COBL: variants seen among roughly 807,000 people sequenced by gnomAD.
COBL encodes the protein cordon-bleu WH2 repeat protein, also known as protein cordon-bleu.
COBL carries 51 observed loss-of-function variants against 98.8 expected under a neutral mutation model. The ratio of observed to expected loss-of-function variants is 0.52; its 90% CI spans 0.41 to 0.65. The LOEUF (loss-of-function observed/expected upper bound fraction) is 0.65. COBL is among the 30% of genes least tolerant of loss of function. COBL has a pLI of 0.00. For missense variants in COBL, 1,617 were observed against 1,617.5 expected (o/e 1.00, Z 0.01); for synonymous variants, 634 against 651.7 (o/e 0.97, Z 0.41).
chr7:51,213,361 G>C (rs1330738241), intron 2 of COBL, among the ~76,000 whole-genome samples: 3 of 152,190 alleles, frequency 2.0e-5, no homozygotes, highest in Non-Finnish European at 4.4e-5. Context: ...TCTCATAGGA[G>C]AGTCAACCCT....
At chr7:51,221,502 T>C (rs1793635634) in intron 1 of COBL, among the ~76,000 whole-genome samples, 1 of 152,224 alleles carries the variant, frequency 6.6e-6, no homozygotes, top group Non-Finnish European at 1.5e-5. Context: ...ATACCAGAAC[T>C]AGGCAAACAT....
chr7:51,158,858 CG>C (rs1473099954), intron 5 of COBL, among the ~76,000 whole-genome samples: 1 of 150,396 alleles, frequency 6.6e-6, no homozygotes, highest in Non-Finnish European at 1.5e-5. Context: ...AAGCGAGGCA[CG>C]GGGTGGGAGA....
intron 1 of COBL, among the ~76,000 whole-genome samples, chr7:51,223,802 G>T (rs1360050776): frequency 6.6e-6 from 1 of 152,142 alleles, no homozygotes; most frequent in Non-Finnish European, 1.5e-5. Flanking sequence ...CTTAAAATAT[G>T]CCCAGGTCCT....
At chr7:51,288,422 C>CA (rs71021764) in intron 1 of COBL, among the ~76,000 whole-genome samples, 49,102 of 102,402 alleles carry the variant, frequency 0.48, 9,993 homozygotes, top group Non-Finnish European at 0.51. Context: ...CAACAGTCTC[C>CA]AAAAAAAAAA....
At chr7:51,255,245 A>G (rs1244511748) in intron 1 of COBL, among the ~76,000 whole-genome samples, 3 of 152,232 alleles carry the variant, frequency 2.0e-5, no homozygotes, top group Non-Finnish European at 2.9e-5. Flanking sequence ...AGATAAAATG[A>G]GGAACTGCTG....
In COBL at chr7:51,131,445, A is replaced by G. The variant is rs1263011826; in HGVS notation, c.957+4713T>C. Among the ~76,000 whole-genome samples, 3 of 152,350 alleles carry G rather than the reference A, an allele frequency of 2.0e-5. No individual in the cohort carries two copies. In the East Asian group the frequency reaches 5.8e-4, roughly 29 times the overall value. On this transcript the variant is annotated intron_variant, in intron 6 of 12. Transcript: ENST00000265136. ...TTTTTAATCACTTAAATGAAATACC[A>G]AAAAAGTTTTAAAAACCTGCTCTGT... is the stretch of plus-strand genomic sequence containing the variant.
chr7:51,162,939 C>T (rs187127014), intron 5 of COBL, among the ~76,000 whole-genome samples: 1 of 152,216 alleles, frequency 6.6e-6, no homozygotes, highest in South Asian at 2.1e-4. Flanking sequence ...CCAATACTCA[C>T]TGCAATGTTT....
At chr7:51,073,454 A>G (rs1792761757) in intron 7 of COBL, 1 of 612,388 alleles carries the variant, frequency 1.6e-6, no homozygotes, top group African/African-American at 1.8e-5. Flanking sequence ...TGCCATTATC[A>G]TTCATTTTCC....
intron 1 of COBL, among the ~76,000 whole-genome samples, chr7:51,265,500 T>C (rs1162965112): frequency 6.6e-6 from 1 of 152,208 alleles, no homozygotes; most frequent in African/African-American, 2.4e-5. Flanking sequence ...GCAGGGTGTT[T>C]GCAGCCCTAG....
At chr7:51,036,612 G>A (rs1014784242) in intron 8 of COBL, among the ~76,000 whole-genome samples, 11 of 152,116 alleles carry the variant, frequency 7.2e-5, no homozygotes, top group Non-Finnish European at 1.5e-4. Flanking sequence ...GCAGGTAACA[G>A]CACAGCTCCT....
chr7:51,296,785 T>C lies in COBL; in HGVS notation c.41+19808A>G, dbSNP rs536761404. 1.4e-4 allele frequency among the ~76,000 whole-genome samples: 22 copies of C among 152,324 alleles called. No individual in the cohort carries two copies. In the South Asian group the frequency reaches 4.4e-3, roughly 30 times the overall value. On this transcript the variant is annotated intron_variant, in intron 1 of 12. Transcript: ENST00000265136. ...CCGCCTTTTTCCAAAGCAATTTGGTTAAACCATGTGAAGTGCGTTACAAAC... is the reference window on the plus strand; with the variant it reads ...CCGCCTTTTTCCAAAGCAATTTGGTCAAACCATGTGAAGTGCGTTACAAAC...
chr7:51,174,977 G>A (rs1039601758), intron 5 of COBL, among the ~76,000 whole-genome samples: 1 of 152,120 alleles, frequency 6.6e-6, no homozygotes, highest in Non-Finnish European at 1.5e-5. Context: ...CCCAGCTCTT[G>A]GTACCAGCAA....
At chr7:51,146,497 C>T (rs1057100181) in intron 5 of COBL, among the ~76,000 whole-genome samples, 6 of 152,132 alleles carry the variant, frequency 3.9e-5, no homozygotes, top group African/African-American at 1.2e-4. Flanking sequence ...AACCTCAGTC[C>T]TTTCCTATTT....
At chr7:51,061,317 G>A (rs1262147175) in intron 7 of COBL, among the ~76,000 whole-genome samples, 1 of 151,900 alleles carries the variant, frequency 6.6e-6, no homozygotes. Flanking sequence ...GGACATACGC[G>A]ACTTCCATAG....
intron 1 of COBL, among the ~76,000 whole-genome samples, chr7:51,254,991 T>G (rs1315854584): frequency 2.0e-5 from 3 of 152,142 alleles, no homozygotes; most frequent in Non-Finnish European, 4.4e-5. Flanking sequence ...CCCTCCCCAC[T>G]CAATTAAAAA....
chr7:51,105,240 C>T (rs1485631295), intron 6 of COBL, among the ~76,000 whole-genome samples: 2 of 152,192 alleles, frequency 1.3e-5, no homozygotes, highest in African/African-American at 4.8e-5. Flanking sequence ...TGTCTCCGAG[C>T]CCATTCTTTG....
intron 1 of COBL, among the ~76,000 whole-genome samples, chr7:51,224,584 G>A (rs1284857207): frequency 6.6e-6 from 1 of 152,068 alleles, no homozygotes; most frequent in Non-Finnish European, 1.5e-5. Flanking sequence ...AAAAAATGCT[G>A]TACTGCACAT....
chr7:51,239,458 C>T (rs1022659608), intron 1 of COBL, among the ~76,000 whole-genome samples: 1 of 152,074 alleles, frequency 6.6e-6, no homozygotes, highest in Non-Finnish European at 1.5e-5. Context: ...CAGGAATTGC[C>T]CACCCCTTTC....
chr7:51,091,432 AG>A (rs906174540), intron 6 of COBL, among the ~76,000 whole-genome samples: 2 of 152,210 alleles, frequency 1.3e-5, no homozygotes, highest in African/African-American at 4.8e-5. Context: ...AAGAAGAAGA[AG>A]AAATAATCAG....
Sources: allele counts gnomAD v4.1 joint callset (sites outside exome capture counted in the v4.1 genomes callset), GRCh38; gene constraint gnomAD v4.1.1; transcripts MANE v1.5; gene names NCBI Gene and HGNC (gene_info 2026-07-23, HGNC 2026-07-21).